Variants in COL9A1 observed in about 807,000 individuals in gnomAD.
COL9A1 encodes collagen alpha-1(IX) chain.
COL9A1 carries 104 observed loss-of-function variants against 142.6 expected under a neutral mutation model. That is an observed-to-expected ratio of 0.73 (90% CI 0.62 to 0.86). The LOEUF is 0.86. Among genes scored for constraint, COL9A1 ranks in the 40% least tolerant of loss-of-function variants. The pLI is 0.00. For synonymous variants in COL9A1, 466 were observed against 396.0 expected (o/e 1.18, Z -2.10); for missense variants, 1,210 against 1,176.6 (o/e 1.03, Z -0.42).
intron 36 of COL9A1, among the ~76,000 whole-genome samples, chr6:70,227,030 G>T (rs1769272543): frequency 6.6e-6 from 1 of 152,044 alleles, no homozygotes; most frequent in African/African-American, 2.4e-5. Flanking sequence ...ATACATACAG[G>T]ATTTGGGTTT....
rs1194671642 is a variant in COL9A1, at chr6:70,216,728, C to T, written c.*169G>A. On this transcript the variant is annotated 3_prime_UTR_variant, in exon 38 of 38. Coordinates refer to ENST00000357250, the MANE Select transcript of COL9A1 (RefSeq NM_001851.6). ...GGAAAGAGAACTTACTGAATAGCAC[C>T]GTTCTTCTATATGTGATTGTCAAGT... The T allele has an allele frequency of 1.4e-5, 10 of 719,112 alleles. No homozygotes were observed. The highest frequency in any genetic ancestry group is 2.2e-5 in the Non-Finnish European group (9 of 402,998). 44.5% of individuals were successfully genotyped at this position (719,112 alleles called of 1,614,324 possible). A position where few individuals can be genotyped will look rare whatever the true frequency, so the allele number is the denominator to read the frequency against.
intron 28 of COL9A1, among the ~76,000 whole-genome samples, chr6:70,251,450 G>A (rs149096834): frequency 2.0e-5 from 3 of 152,308 alleles, no homozygotes; most frequent in Admixed American, 2.0e-4. Flanking sequence ...GGGAGGCTTA[G>A]GCAGGAGGAC....
In COL9A1 at chr6:70,270,343, G is replaced by A. The variant is rs772579290; in HGVS notation, c.1168C>T (p.Pro390Ser). Residue 390 changes from proline (P) to serine (S), a missense_variant, in exon 15 of 38, where the codon CCT (proline) becomes TCT (serine). Coordinates refer to ENST00000357250, the MANE Select transcript of COL9A1 (RefSeq NM_001851.6). ...PVGDPGRRGP[P>S]GPPGPPGPRG... The stretch of plus-strand genomic sequence containing the variant: ...GGTCCTGGGGGGCCAGGGGGGCCAG[G>A]TGGTCCTCTTCTCCCAGGGTCACCC... 15 of 1,613,868 alleles carry A rather than the reference G, an allele frequency of 9.3e-6. No homozygotes were observed. The East Asian group carries it at 2.9e-4, about 31-fold the overall frequency.
chr6:70,246,540 C>A (rs144880618), intron 28 of COL9A1, among the ~76,000 whole-genome samples: 47 of 152,252 alleles, frequency 3.1e-4, no homozygotes, highest in African/African-American at 1.1e-3. Flanking sequence ...CTCCCCATTC[C>A]TTATCTTTAT....
At chr6:70,281,134 G>C in intron 8 of COL9A1, 95 bp from the exon 9 acceptor site, 1 of 1,104,994 alleles carries the variant, frequency 9.0e-7, no homozygotes. Flanking sequence ...TTCACAGATG[G>C]GGATGGTGTA....
At chr6:70,271,429 G>A (rs944738263) in intron 14 of COL9A1, among the ~76,000 whole-genome samples, 1 of 152,102 alleles carries the variant, frequency 6.6e-6, no homozygotes, top group African/African-American at 2.4e-5. Context: ...TTGACAATCT[G>A]GAAGTTGGGA....
At chr6:70,267,327 G>GTTTTTTGT (rs1554241917) in intron 17 of COL9A1, among the ~76,000 whole-genome samples, 2 of 127,032 alleles carry the variant, frequency 1.6e-5, no homozygotes, top group African/African-American at 5.9e-5. Flanking sequence ...TGGTTTTTTT[G>GTTTTTTGT]TTTTTTTTTT....
intron 21 of COL9A1, among the ~76,000 whole-genome samples, chr6:70,256,508 A>G (rs576149605): frequency 2.6e-5 from 4 of 152,314 alleles, no homozygotes; most frequent in Admixed American, 2.0e-4. Flanking sequence ...TAATAACCAA[A>G]GAAAAGGAAA....
At chr6:70,274,672 A>G (rs764564250) in intron 11 of COL9A1, 47 bp downstream of exon 11, 1 of 1,463,238 alleles carries the variant, frequency 6.8e-7, no homozygotes, top group Non-Finnish European at 9.6e-7. Context: ...ATAAAATTAT[A>G]CTTCAGCATT....
intron 17 of COL9A1, 146 bp downstream of exon 17, chr6:70,268,658 G>A: frequency 1.4e-6 from 1 of 718,838 alleles, no homozygotes; most frequent in Non-Finnish European, 2.5e-6. Flanking sequence ...ACATGTCAAG[G>A]GCAACTGGAA....
chr6:70,286,187 C>T (rs76739033), intron 5 of COL9A1, among the ~76,000 whole-genome samples: 1,815 of 152,250 alleles, frequency 0.012, 27 homozygotes, highest in African/African-American at 0.041. Context: ...CGAATCTGGC[C>T]TATTCAATTA....
downstream of COL9A1, chr6:70,215,151 A>AG (rs547624268): frequency 2.6e-5 from 4 of 152,226 alleles, no homozygotes; most frequent in South Asian, 8.3e-4. Context: ...TATAACAGAG[A>AG]CCTTTATTTT....
At chr6:70,282,033 C>T (rs1226844882) in intron 7 of COL9A1, among the ~76,000 whole-genome samples, 3 of 152,086 alleles carry the variant, frequency 2.0e-5, no homozygotes, top group Non-Finnish European at 4.4e-5. Context: ...TCCCTCAGTC[C>T]CTTGAATTAG....
chr6:70,272,086 G>C lies in COL9A1; in HGVS notation c.1068C>G (p.Gly356=). Residue 356 remains glycine, a splice_region_variant and synonymous_variant, in exon 13 of 38, where the codon GGC becomes GGG. Transcript: ENST00000357250. ...PGVPGSRGFP[G]RGIPGPPGPP... is the part of the protein sequence containing the mutation. ...TTACAGGGGGTCCAGGAATACCACG[G>C]CCCTAAAAGAGTACAATAAAAATGG... 1 of 1,611,142 alleles carries C rather than the reference G, an allele frequency of 6.2e-7. No individual in the cohort carries two copies. Among genetic ancestry groups the C allele is most frequent in the Non-Finnish European group, 8.5e-7 (1 of 1,177,880 alleles).
chr6:70,248,498 C>T (rs185427526), intron 28 of COL9A1, among the ~76,000 whole-genome samples: 10 of 152,266 alleles, frequency 6.6e-5, no homozygotes, highest in East Asian at 3.9e-4. Context: ...ACTGATCAAA[C>T]GTGTGAGGCA....
intron 5 of COL9A1, among the ~76,000 whole-genome samples, chr6:70,285,380 C>T (rs1286872868): frequency 6.6e-6 from 1 of 152,178 alleles, no homozygotes; most frequent in Non-Finnish European, 1.5e-5. Flanking sequence ...AATTTGCATG[C>T]TGATTATTTT....
At chr6:70,259,836 T>C (rs886133870) in intron 20 of COL9A1, among the ~76,000 whole-genome samples, 2 of 152,160 alleles carry the variant, frequency 1.3e-5, no homozygotes, top group Non-Finnish European at 2.9e-5. Flanking sequence ...GGTATGGAAG[T>C]GCTGGGGGAA....
chr6:70,219,022 G>C (rs915297000), intron 37 of COL9A1, among the ~76,000 whole-genome samples: 1 of 152,048 alleles, frequency 6.6e-6, no homozygotes, highest in Admixed American at 6.6e-5. Context: ...TTAATGATGA[G>C]GTCCCTGAGA....
intron 2 of COL9A1, 49 bp downstream of exon 2, chr6:70,301,952 A>T (rs764090280): frequency 2.0e-6 from 3 of 1,470,414 alleles, no homozygotes; most frequent in East Asian, 2.3e-5. Flanking sequence ...CTGCCTGATC[A>T]TTTCTGGGAA....
Sources: gnomAD v4.1 joint callset for allele counts (sites outside exome capture counted in the v4.1 genomes callset) on GRCh38, gnomAD v4.1.1 for gene constraint, MANE v1.5 for transcripts, NCBI Gene and HGNC (gene_info 2026-07-23, HGNC 2026-07-21) for gene names.